Variants in RCHY1 observed in about 807,000 individuals in gnomAD.
RCHY1 encodes RING finger and CHY zinc finger domain-containing protein 1.
In RCHY1, 21 loss-of-function variants were observed where a neutral mutation model predicts 41.6. The observed-to-expected ratio is 0.51, with a 90% CI of 0.36 to 0.73. The LOEUF is 0.73. Ranked by LOEUF, RCHY1 falls within the 30% of genes least tolerant of loss-of-function variation. The probability of loss-of-function intolerance (pLI) is 0.00; values close to 1 mark genes in which losing one functional copy is unlikely to be tolerated. For synonymous variants in RCHY1, 79 were observed against 102.9 expected, an observed-to-expected ratio of 0.77 and a Z score of 1.41; for missense variants, 265 against 325.3, an observed-to-expected ratio of 0.81 and a Z score of 1.43.
In RCHY1 at chr4:75,514,130, C is replaced by A. The variant is rs142909055; in HGVS notation, c.90+67G>T. 7.0e-6 allele frequency: 11 copies of A among 1,566,034 alleles called. No individual in the cohort carries two copies. The East Asian group carries it at 2.3e-4, about 33-fold the overall frequency. ...TCAAACTTAAATCCAAGCCTAACCA[C>A]CTGCCCAGCCCGCCCCAGCCCAACC... On this transcript the variant is annotated intron_variant, in intron 1 of 8. Transcript: ENST00000324439.
chr4:75,488,699 T>A (rs1239502882), intron 8 of RCHY1, among the ~76,000 whole-genome samples: 1 of 152,140 alleles, frequency 6.6e-6, no homozygotes, highest in Non-Finnish European at 1.5e-5. Context: ...AGGACACAAA[T>A]CCAATGTTAA....
chr4:75,492,103 C>T (rs1405524759), intron 4 of RCHY1, among the ~76,000 whole-genome samples, 170 bp from the exon 5 acceptor site: 1 of 151,880 alleles, frequency 6.6e-6, no homozygotes, highest in Non-Finnish European at 1.5e-5. Context: ...TTAAATCTCA[C>T]ACTATTTCAG....
chr4:75,514,175 AAG>A lies in RCHY1; in HGVS notation c.90+20_90+21del, dbSNP rs768029864. ...CCAACCTGACGGAAGCTTGTCAGGG[AAG>A]AGTCCATAGAAGGCGTCACCTTTAG... On this transcript the variant is annotated intron_variant, in intron 1 of 8. Coordinates refer to ENST00000324439, the MANE Select transcript of RCHY1 (RefSeq NM_015436.4). 1 of 1,596,332 alleles carries A rather than the reference AAG, an allele frequency of 6.3e-7. No homozygotes were observed. The highest frequency in any genetic ancestry group is 8.6e-7 in the Non-Finnish European group (1 of 1,165,740).
intron 8 of RCHY1, among the ~76,000 whole-genome samples, chr4:75,490,107 A>C (rs1560515556): frequency 6.6e-6 from 1 of 152,174 alleles, no homozygotes; most frequent in Non-Finnish European, 1.5e-5. Context: ...GAAGTGAAAA[A>C]GGGGTCTCCT....
intron 8 of RCHY1, among the ~76,000 whole-genome samples, chr4:75,489,561 T>TGATATTGCAGATC (rs972710823): frequency 6.6e-6 from 1 of 152,128 alleles, no homozygotes; most frequent in African/African-American, 2.4e-5. Flanking sequence ...TATTGCAGAT[T>TGATATTGCAGATC]GATGGTAATC....
At chr4:75,485,854 T>G (rs897400607) in intron 8 of RCHY1, among the ~76,000 whole-genome samples, 10 of 152,204 alleles carry the variant, frequency 6.6e-5, no homozygotes, top group Non-Finnish European at 1.2e-4. Flanking sequence ...TGTGATAACA[T>G]TTGGTAAATA....
intron 3 of RCHY1, among the ~76,000 whole-genome samples, chr4:75,507,074 C>G (rs534006177): frequency 6.6e-6 from 1 of 151,836 alleles, no homozygotes; most frequent in Non-Finnish European, 1.5e-5. Flanking sequence ...AGACATTTTT[C>G]AGAGACAAAA....
At chr4:75,485,540 C>T (rs550471773) in intron 8 of RCHY1, among the ~76,000 whole-genome samples, 3 of 152,136 alleles carry the variant, frequency 2.0e-5, no homozygotes, top group Non-Finnish European at 4.4e-5. Context: ...TTAACTTTTA[C>T]TCACACCATT....
At chr4:75,487,565 A>AATATATTC (rs1722187581) in intron 8 of RCHY1, among the ~76,000 whole-genome samples, 3 of 55,448 alleles carry the variant, frequency 5.4e-5, no homozygotes, top group Non-Finnish European at 1.0e-4. Context: ...ATATATTCAT[A>AATATATTC]ATATATATAT....
chr4:75,480,213 G>A lies in RCHY1; in HGVS notation c.*2325C>T, dbSNP rs1312272331. The A allele has an allele frequency of 6.6e-6, 1 of 152,128 alleles. No homozygotes were observed. Among genetic ancestry groups the A allele is most frequent in the Admixed American group, 6.5e-5 (1 of 15,278 alleles). 9.4% of individuals were successfully genotyped at this position (152,128 alleles called of 1,614,324 possible). On this transcript the variant is annotated 3_prime_UTR_variant, in exon 9 of 9. Coordinates refer to ENST00000324439, the MANE Select transcript of RCHY1 (RefSeq NM_015436.4). ...GCATGACTAGACAGCATAAACGAGT[G>A]ATTGCATATGTACTCTGCATTATTT...
At position 75,482,639 on chromosome 4, in the gene RCHY1, A is replaced by C. The variant is rs1721611590; in HGVS notation, c.685T>G (p.Ser229Ala). ...DILCNDCNGR[S>A]TVQFHILGMK... is the part of the protein sequence containing the mutation. ...CCTAATATATGAAACTGAACAGTGG[A>C]TCGTCCATTACAGTCATTGCAGAGA... Residue 229 changes from serine to alanine, a missense_variant, in exon 9 of 9, where the codon TCC becomes GCC. Ser to Ala is a moderately conservative substitution (Grantham distance 99, BLOSUM62 1). Transcript: ENST00000324439. 3.1e-6 allele frequency: 5 copies of C among 1,610,634 alleles called. No homozygotes were observed. The South Asian group carries it at 4.4e-5, about 14-fold the overall frequency.
intron 3 of RCHY1, among the ~76,000 whole-genome samples, chr4:75,496,164 T>A (rs560535486): frequency 6.6e-6 from 1 of 152,054 alleles, no homozygotes; most frequent in South Asian, 2.1e-4. Context: ...TACCCTCCCA[T>A]CTGAAAAAAT....
intron 8 of RCHY1, among the ~76,000 whole-genome samples, chr4:75,487,642 C>CATAT (rs1325098280): frequency 1.1e-4 from 1 of 8,892 alleles, no homozygotes; most frequent in Non-Finnish European, 2.3e-4. Flanking sequence ...TATATATATT[C>CATAT]ATATATATTC....
intron 3 of RCHY1, among the ~76,000 whole-genome samples, chr4:75,498,481 C>CAAAAA (rs57789217): frequency 1.0e-4 from 7 of 68,736 alleles, no homozygotes; most frequent in Admixed American, 1.5e-4. Context: ...CAATCCTGAG[C>CAAAAA]AAAAAAAAAA....
In RCHY1 at chr4:75,506,256, G is replaced by A. The variant is rs540366131; in HGVS notation, c.326+2564C>T. Among the ~76,000 whole-genome samples the A allele has an allele frequency of 3.4e-5, 5 of 148,586 alleles. No individual in the cohort carries two copies. The South Asian group carries it at 6.4e-4, about 19-fold the overall frequency. ...TTCTCTCTGAAAAAAAAATAGCATC[G>A]AGAGCTTAATAAATTTTTACATATT... On this transcript the variant is annotated intron_variant, in intron 3 of 8. Transcript: ENST00000324439.
At chr4:75,512,751 C>G (rs893917549) in intron 1 of RCHY1, among the ~76,000 whole-genome samples, 1 of 152,076 alleles carries the variant, frequency 6.6e-6, no homozygotes, top group African/African-American at 2.4e-5. Context: ...TAATCCTGAT[C>G]TCTCCACTAA....
chr4:75,508,960 C>T (rs1236745943), intron 2 of RCHY1, 25 bp from the exon 3 acceptor site: 3 of 1,458,970 alleles, frequency 2.1e-6, no homozygotes, highest in African/African-American at 1.4e-5. Context: ...TAATTAAAAA[C>T]TGCAATAAAC....
chr4:75,490,616 G>GA lies in RCHY1; in HGVS notation c.621dup (p.Pro208SerfsTer17). On this transcript the variant is annotated frameshift_variant, in exon 8 of 9. Coordinates refer to ENST00000324439, the MANE Select transcript of RCHY1 (RefSeq NM_015436.4). LOFTEE classifies it high-confidence loss of function. ...ATGTTCTGATATTCTGATGGCATAGGAGTCTGTGCTACTTCATCATCCAGC... is the reference window on the plus strand; with the variant it reads ...ATGTTCTGATATTCTGATGGCATAGGAAGTCTGTGCTACTTCATCATCCAGC... 3 of 1,612,444 alleles carry GA rather than the reference G, an allele frequency of 1.9e-6. No homozygotes were observed. The highest frequency in any genetic ancestry group is 2.5e-6 in the Non-Finnish European group (3 of 1,178,772).
chr4:75,514,315 A>T lies in RCHY1; in HGVS notation c.-29T>A, dbSNP rs754331631. On this transcript the variant is annotated 5_prime_UTR_variant, in exon 1 of 9. Coordinates refer to ENST00000324439, the MANE Select transcript of RCHY1 (RefSeq NM_015436.4). ...CTCCACCTCCCCTCACATTCCACCG[A>T]TCCTTCCCCCAGGATAAAAACCACG... The T allele has an allele frequency of 2.4e-5, 38 of 1,599,346 alleles. No individual in the cohort carries two copies. The highest frequency in any genetic ancestry group is 5.1e-6 in the Non-Finnish European group (6 of 1,169,060).
Sources: allele counts gnomAD v4.1 joint callset (sites outside exome capture counted in the v4.1 genomes callset), GRCh38; gene constraint gnomAD v4.1.1; transcripts MANE v1.5; gene names NCBI Gene and HGNC (gene_info 2026-07-23, HGNC 2026-07-21).